ERC2: variants seen among roughly 807,000 people sequenced by gnomAD.
ERC2 encodes ERC protein 2.
Under a neutral mutation model 114.8 loss-of-function variants are expected in ERC2, and 42 were observed. That is an observed-to-expected ratio of 0.37 (90% confidence interval 0.29 to 0.47). The LOEUF is 0.47. Among genes scored for constraint, ERC2 ranks in the 20% least tolerant of loss-of-function variants. ERC2 has a pLI of 0.99. For synonymous variants in ERC2, 454 were observed against 425.5 expected (o/e 1.07, Z -0.82); for missense variants, 939 against 1,150.7 (o/e 0.82, Z 2.66).
At chr3:55,755,014 T>TC (rs1426659392) in intron 14 of ERC2, among the ~76,000 whole-genome samples, 1 of 151,982 alleles carries the variant, frequency 6.6e-6, no homozygotes, top group Non-Finnish European at 1.5e-5. Flanking sequence ...CAAATTAATC[T>TC]CCATTTTTAT....
At chr3:56,453,228 G>A (rs1304403526) in intron 1 of ERC2, among the ~76,000 whole-genome samples, 1 of 152,198 alleles carries the variant, frequency 6.6e-6, no homozygotes, top group Non-Finnish European at 1.5e-5. Context: ...TGAAATGTGA[G>A]CAGAAGTAAC....
intron 1 of ERC2, among the ~76,000 whole-genome samples, chr3:56,456,797 C>A (rs1161468391): frequency 1.3e-5 from 2 of 152,130 alleles, no homozygotes; most frequent in East Asian, 3.8e-4. Flanking sequence ...AACTGTTGTA[C>A]AAATATGGTG....
chr3:55,525,240 A>T (rs35647719), intron 17 of ERC2, among the ~76,000 whole-genome samples: 36,610 of 152,162 alleles, frequency 0.24, 4,595 homozygotes, highest in Middle Eastern at 0.35. Flanking sequence ...CTATTTTCTC[A>T]TTCATTCATG....
At chr3:56,061,602 C>T (rs537468142) in intron 7 of ERC2, among the ~76,000 whole-genome samples, 16 of 152,072 alleles carry the variant, frequency 1.1e-4, no homozygotes, top group South Asian at 2.1e-4. Flanking sequence ...GTGGCAATGA[C>T]GAGAAAAAAT....
rs560362552 is a variant in ERC2 at position 56,324,340 on chromosome 3, T to C, written c.658-27905A>G. On this transcript the variant is annotated intron_variant, in intron 2 of 17. Coordinates refer to ENST00000288221, the MANE Select transcript of ERC2 (RefSeq NM_015576.3). ...AGTCTCAGGGCCCAACAGGCCACAA[T>C]ATACAGATGCTCCTTGACTTAGCAC... Among the ~76,000 whole-genome samples the C allele has an allele frequency of 3.1e-4, 47 of 152,280 alleles. No individual in the cohort carries two copies. The South Asian group carries it at 9.3e-3, about 30-fold the overall frequency.
At chr3:56,061,593 T>G (rs1353525417) in intron 7 of ERC2, among the ~76,000 whole-genome samples, 1 of 152,192 alleles carries the variant, frequency 6.6e-6, no homozygotes, top group Non-Finnish European at 1.5e-5. Context: ...AAAGGTCTTG[T>G]GGCAATGACG....
At chr3:55,897,241 T>A (rs774090102) in intron 13 of ERC2, among the ~76,000 whole-genome samples, 27 of 152,192 alleles carry the variant, frequency 1.8e-4, no homozygotes, top group Non-Finnish European at 3.2e-4. Context: ...GTTCCATGCA[T>A]CTCTTCCTGA....
At chr3:55,556,108 T>G (rs2055587913) in intron 17 of ERC2, among the ~76,000 whole-genome samples, 1 of 152,130 alleles carries the variant, frequency 6.6e-6, no homozygotes, top group African/African-American at 2.4e-5. Flanking sequence ...ACATTTCAAT[T>G]TGGCTGAGAA....
At chr3:56,202,211 C>T (rs914280535) in intron 3 of ERC2, among the ~76,000 whole-genome samples, 1 of 152,166 alleles carries the variant, frequency 6.6e-6, no homozygotes, top group South Asian at 2.1e-4. Context: ...TTGAAAGCCT[C>T]AAATTACCTT....
At chr3:55,631,523 C>T (rs2059757931) in intron 17 of ERC2, among the ~76,000 whole-genome samples, 1 of 152,208 alleles carries the variant, frequency 6.6e-6, no homozygotes, top group South Asian at 2.1e-4. Context: ...TCCTCCAAAA[C>T]TCTAGCTCTG....
chr3:56,111,317 TTC>T (rs568063675), intron 6 of ERC2, among the ~76,000 whole-genome samples: 6 of 141,878 alleles, frequency 4.2e-5, no homozygotes, highest in African/African-American at 7.9e-5. Context: ...CTCTCCCTCT[TTC>T]TCTCTCTCTC....
At chr3:55,972,189 T>C (rs186824576) in intron 12 of ERC2, among the ~76,000 whole-genome samples, 1 of 152,294 alleles carries the variant, frequency 6.6e-6, no homozygotes, top group East Asian at 1.9e-4. Context: ...TCTTTATCAT[T>C]AGACCATTCA....
intron 14 of ERC2, among the ~76,000 whole-genome samples, chr3:55,855,207 C>A (rs2061738568): frequency 6.6e-6 from 1 of 152,178 alleles, no homozygotes; most frequent in African/African-American, 2.4e-5. Flanking sequence ...GAGGTGTAAA[C>A]CATACCAATA....
chr3:55,826,462 T>C (rs2060330603), intron 14 of ERC2, among the ~76,000 whole-genome samples: 1 of 152,224 alleles, frequency 6.6e-6, no homozygotes, highest in Non-Finnish European at 1.5e-5. Context: ...TCCCTAAGCC[T>C]GAATTGCCCA....
chr3:55,627,841 A>G (rs952561927), intron 17 of ERC2, among the ~76,000 whole-genome samples: 14 of 148,382 alleles, frequency 9.4e-5, no homozygotes, highest in Admixed American at 9.4e-4. Context: ...TTGGAATTTT[A>G]ATAGAACTTG....
chr3:56,247,715 G>A (rs1461129410), intron 3 of ERC2, among the ~76,000 whole-genome samples: 2 of 152,168 alleles, frequency 1.3e-5, no homozygotes, highest in Non-Finnish European at 2.9e-5. Context: ...AAGGAATGTC[G>A]GTGCATAAGG....
intron 14 of ERC2, among the ~76,000 whole-genome samples, chr3:55,796,955 C>A (rs1461843109): frequency 6.6e-6 from 1 of 152,074 alleles, no homozygotes; most frequent in Non-Finnish European, 1.5e-5. Context: ...TATGTGAGAG[C>A]AAGTAACAGG....
chr3:55,970,824 A>G (rs116623168), intron 12 of ERC2, among the ~76,000 whole-genome samples: 250 of 152,308 alleles, frequency 1.6e-3, no homozygotes, highest in African/African-American at 5.9e-3. Context: ...GGACACAGCA[A>G]TTCCACTTGC....
chr3:56,026,079 T>C (rs1302050807), intron 7 of ERC2, among the ~76,000 whole-genome samples: 1 of 140,520 alleles, frequency 7.1e-6, no homozygotes, highest in Non-Finnish European at 1.6e-5. Flanking sequence ...TTTTTTTTTT[T>C]TTTCGAGATG....
Sources: gnomAD v4.1 joint callset for allele counts (sites outside exome capture counted in the v4.1 genomes callset) on GRCh38, gnomAD v4.1.1 for gene constraint, MANE v1.5 for transcripts, NCBI Gene and HGNC (gene_info 2026-07-23, HGNC 2026-07-21) for gene names.